CTTNBP2NL: variants seen among roughly 807,000 people sequenced by gnomAD.
The protein encoded by CTTNBP2NL is CTTNBP2 N-terminal like, also known as CTTNBP2 N-terminal-like protein.
CTTNBP2NL carries 16 observed loss-of-function variants against 32.5 expected under a neutral mutation model. The observed-to-expected ratio is 0.49, with a 90% CI of 0.33 to 0.75. The LOEUF is 0.75. Ranked by LOEUF, CTTNBP2NL falls within the 30% of genes least tolerant of loss-of-function variation. The probability of loss-of-function intolerance (pLI) is 0.02; values close to 1 mark genes in which losing one functional copy is unlikely to be tolerated. For missense variants in CTTNBP2NL, 645 were observed against 756.0 expected, an observed-to-expected ratio of 0.85 and a Z score of 1.72; for synonymous variants, 298 against 289.4, an observed-to-expected ratio of 1.03 and a Z score of -0.30.
intron 3 of CTTNBP2NL, among the ~76,000 whole-genome samples, chr1:112,432,730 T>A (rs1649604298): frequency 6.6e-6 from 1 of 151,534 alleles, no homozygotes; most frequent in African/African-American, 2.4e-5. Context: ...CTAAAGCCTG[T>A]TTGAAACTTT....
At chr1:112,412,738 T>A (rs1648917003) in intron 2 of CTTNBP2NL, among the ~76,000 whole-genome samples, 1 of 148,418 alleles carries the variant, frequency 6.7e-6, no homozygotes, top group Non-Finnish European at 1.5e-5. Context: ...TGCCTCAGCC[T>A]CCTGAGTAGC....
chr1:112,433,607 A>G (rs1045036419), intron 3 of CTTNBP2NL, among the ~76,000 whole-genome samples: 1 of 152,156 alleles, frequency 6.6e-6, no homozygotes, highest in Non-Finnish European at 1.5e-5. Flanking sequence ...ACAAACCAAC[A>G]TAATAATAAT....
At chr1:112,438,598 C>T (rs1381527598) in intron 3 of CTTNBP2NL, among the ~76,000 whole-genome samples, 2 of 152,084 alleles carry the variant, frequency 1.3e-5, no homozygotes, top group Non-Finnish European at 2.9e-5. Flanking sequence ...CCAGGACTTC[C>T]AATAGGAGTG....
chr1:112,424,044 T>C (rs1177522500), intron 3 of CTTNBP2NL, among the ~76,000 whole-genome samples: 1 of 152,164 alleles, frequency 6.6e-6, no homozygotes, highest in East Asian at 1.9e-4. Flanking sequence ...CTTTTATGGA[T>C]TTTGTTTTTA....
rs181778003 is a variant in CTTNBP2NL, at chr1:112,444,525, C to T, written c.100-4417C>T. 2.4e-3 allele frequency among the ~76,000 whole-genome samples: 362 copies of T among 152,286 alleles called. 1 individual carries two copies. Among genetic ancestry groups the T allele is most frequent in the Admixed American group, 5.2e-3 (79 of 15,298 alleles). ...GCTCTGGCTGCTGTGATAATACCCT[C>T]TGTTATTGAATCTGTCTAACCAGCC... is the stretch of plus-strand genomic sequence containing the variant. On this transcript the variant is annotated intron_variant, in intron 3 of 5. Coordinates refer to ENST00000271277, the MANE Select transcript of CTTNBP2NL (RefSeq NM_018704.3).
intron 3 of CTTNBP2NL, among the ~76,000 whole-genome samples, chr1:112,439,087 G>A (rs1557894243): frequency 6.6e-6 from 1 of 152,096 alleles, no homozygotes; most frequent in Non-Finnish European, 1.5e-5. Flanking sequence ...GTGACATAGG[G>A]CTTGTTCTTT....
At chr1:112,452,153 A>AT (rs1292994598) in intron 4 of CTTNBP2NL, among the ~76,000 whole-genome samples, 4 of 151,662 alleles carry the variant, frequency 2.6e-5, no homozygotes, top group African/African-American at 7.3e-5. Flanking sequence ...AATGTGCCAA[A>AT]TTTTTTTTCT....
At chr1:112,446,212 AC>A (rs1050202844) in intron 3 of CTTNBP2NL, among the ~76,000 whole-genome samples, 2 of 147,878 alleles carry the variant, frequency 1.4e-5, no homozygotes, top group African/African-American at 5.0e-5. Context: ...AAAAAAAAAA[AC>A]AACATAGCTG....
chr1:112,397,369 T>A (rs1463572046), intron 1 of CTTNBP2NL, among the ~76,000 whole-genome samples: 1 of 152,130 alleles, frequency 6.6e-6, no homozygotes, highest in Non-Finnish European at 1.5e-5. Context: ...GTCATCTAGG[T>A]TTATGATTAA....
chr1:112,407,739 T>C (rs1648710848), intron 1 of CTTNBP2NL, among the ~76,000 whole-genome samples: 1 of 152,160 alleles, frequency 6.6e-6, no homozygotes, highest in South Asian at 2.1e-4. Flanking sequence ...ATTTGAGATA[T>C]ATACTGTTTA....
At chr1:112,451,003 CTG>C (rs1489265009) in intron 4 of CTTNBP2NL, among the ~76,000 whole-genome samples, 1 of 152,026 alleles carries the variant, frequency 6.6e-6, no homozygotes, top group Non-Finnish European at 1.5e-5. Context: ...TTCCCTTTGA[CTG>C]TCAGAAATGT....
intron 1 of CTTNBP2NL, among the ~76,000 whole-genome samples, chr1:112,408,221 T>TTTG (rs1648742032): frequency 1.3e-5 from 1 of 77,698 alleles, no homozygotes. Context: ...TTTTTTTTAA[T>TTTG]TTTTTTTTTT....
intron 1 of CTTNBP2NL, among the ~76,000 whole-genome samples, chr1:112,408,220 A>ATTTT (rs397981257): frequency 8.8e-4 from 91 of 103,730 alleles, no homozygotes; most frequent in African/African-American, 2.2e-3. Context: ...TTTTTTTTTA[A>ATTTT]TTTTTTTTTT....
intron 3 of CTTNBP2NL, among the ~76,000 whole-genome samples, chr1:112,427,577 T>A (rs1649438022): frequency 6.6e-6 from 1 of 152,198 alleles, no homozygotes; most frequent in African/African-American, 2.4e-5. Flanking sequence ...CATAGTTATT[T>A]TGATCTAGCA....
intron 4 of CTTNBP2NL, among the ~76,000 whole-genome samples, chr1:112,452,393 G>A (rs989388684): frequency 7.1e-6 from 1 of 141,630 alleles, no homozygotes; most frequent in African/African-American, 2.8e-5. Context: ...TGCTCAGGCT[G>A]GAGTGCAATG....
rs116453334 is a variant in CTTNBP2NL, at chr1:112,439,694, A to G, written c.100-9248A>G. Reference sequence around the variant, plus strand: ...AGTATCACACACAGCTATAGTCTGTAGGCTGGGTTTCACTGTGTAATACTT... The same window carrying G: ...AGTATCACACACAGCTATAGTCTGTGGGCTGGGTTTCACTGTGTAATACTT... On this transcript the variant is annotated intron_variant, in intron 3 of 5. Coordinates refer to ENST00000271277, the MANE Select transcript of CTTNBP2NL (RefSeq NM_018704.3). 8.7e-3 allele frequency among the ~76,000 whole-genome samples: 1,325 copies of G among 152,312 alleles called. 22 individuals are homozygous for G. The highest frequency in any genetic ancestry group is 0.031 in the African/African-American group (1,289 of 41,562).
At chr1:112,442,697 T>C (rs944745286) in intron 3 of CTTNBP2NL, among the ~76,000 whole-genome samples, 1 of 152,090 alleles carries the variant, frequency 6.6e-6, no homozygotes, top group Non-Finnish European at 1.5e-5. Context: ...TCATATTCTT[T>C]TTTTTTTTCT....
At chr1:112,398,817 CAAAAA>C (rs3033224) in intron 1 of CTTNBP2NL, among the ~76,000 whole-genome samples, 2 of 93,600 alleles carry the variant, frequency 2.1e-5, no homozygotes, top group African/African-American at 3.4e-5. Flanking sequence ...TGTCTCTTAA[CAAAAA>C]AAAAAAAAAA....
chr1:112,450,712 A>G (rs919759137), intron 4 of CTTNBP2NL, among the ~76,000 whole-genome samples: 6 of 151,946 alleles, frequency 3.9e-5, no homozygotes, highest in African/African-American at 1.5e-4. Context: ...ACTATATTGC[A>G]GTGCTAAATG....
Sources: gnomAD v4.1 joint callset for allele counts (sites outside exome capture counted in the v4.1 genomes callset) on GRCh38, gnomAD v4.1.1 for gene constraint, MANE v1.5 for transcripts, NCBI Gene and HGNC (gene_info 2026-07-23, HGNC 2026-07-21) for gene names.